Variants in ZNF808 observed in about 807,000 individuals in gnomAD.
The protein encoded by ZNF808 is zinc finger protein 808.
A neutral mutation model predicts 8.7 loss-of-function variants in ZNF808; 5 were observed. The ratio of observed to expected loss-of-function variants is 0.58; its 90% CI spans 0.30 to 1.21. The LOEUF (loss-of-function observed/expected upper bound fraction) is 1.21, where lower values mean the gene tolerates loss of function less well. Ranked by LOEUF, ZNF808 falls within the 50% of genes most tolerant of loss-of-function variation. The probability of loss-of-function intolerance (pLI) is 0.07; values close to 1 mark genes in which losing one functional copy is unlikely to be tolerated. For missense variants in ZNF808, 1,103 were observed against 1,098.4 expected, an observed-to-expected ratio of 1.00 and a Z score of -0.06; for synonymous variants, 380 against 366.0, an observed-to-expected ratio of 1.04 and a Z score of -0.44.
intron 4 of ZNF808, among the ~76,000 whole-genome samples, chr19:52,549,791 G>A (rs2059758043): frequency 6.6e-6 from 1 of 152,018 alleles, no homozygotes; most frequent in East Asian, 1.9e-4. Flanking sequence ...TTGTAATGCT[G>A]AACACCCCAA....
intron 2 of ZNF808, 142 bp from the exon 3 acceptor site, chr19:52,543,124 T>G (rs1012001693): frequency 1.2e-5 from 10 of 812,208 alleles, no homozygotes; most frequent in Non-Finnish European, 1.9e-5. Context: ...CTGTGGGACT[T>G]TCTTACCTCT....
chr19:52,528,452 A>C (rs2059530667), intron 1 of ZNF808, among the ~76,000 whole-genome samples: 1 of 152,228 alleles, frequency 6.6e-6, no homozygotes, highest in Non-Finnish European at 1.5e-5. Context: ...CAGATGGCAA[A>C]ATAGAGGATT....
intron 2 of ZNF808, chr19:52,535,992 C>T: frequency 6.2e-6 from 1 of 160,416 alleles, no homozygotes; most frequent in South Asian, 1.7e-4. Flanking sequence ...GGCTTCAGTC[C>T]TGGGCGCGCA....
rs146556570 is a variant in ZNF808 at position 52,541,011 on chromosome 19, G to A, written c.-19-2255G>A. On this transcript the variant is annotated intron_variant, in intron 2 of 4. Coordinates refer to ENST00000359798, the MANE Select transcript of ZNF808 (RefSeq NM_001039886.4). ...CTGTCACCCAGGCTGGAGTGCAGTGGCATGATCTCAGCTCACTGCAACCTC... is the reference window on the plus strand; with the variant it reads ...CTGTCACCCAGGCTGGAGTGCAGTGACATGATCTCAGCTCACTGCAACCTC... 6.1e-3 allele frequency among the ~76,000 whole-genome samples: 933 copies of A among 152,250 alleles called. 10 individuals are homozygous for A. The highest frequency in any genetic ancestry group is 0.017 in the Middle Eastern group (5 of 294).
chr19:52,552,308 C>T (rs531430442), intron 4 of ZNF808, among the ~76,000 whole-genome samples: 43 of 152,166 alleles, frequency 2.8e-4, no homozygotes, highest in African/African-American at 1.0e-3. Flanking sequence ...TGAGCCACCG[C>T]ACCCGGCCCA....
At chr19:52,535,303 C>CCTGGGTGA (rs2059595123) in intron 2 of ZNF808, among the ~76,000 whole-genome samples, 2 of 134,536 alleles carry the variant, frequency 1.5e-5, no homozygotes, top group Admixed American at 1.7e-4. Context: ...TGCACTCCAG[C>CCTGGGTGA]CTGGGTGACA....
At chr19:52,536,482 T>A (rs1318688602) in intron 2 of ZNF808, among the ~76,000 whole-genome samples, 1 of 152,188 alleles carries the variant, frequency 6.6e-6, no homozygotes, top group South Asian at 2.1e-4. Context: ...GCCACCCTTG[T>A]CTTAAGGCGC....
Position 52,564,242 on chromosome 19 carries a change from G to C in ZNF808, c.*1347G>C, listed in dbSNP as rs916324853. 3.4e-5 allele frequency: 31 copies of C among 919,182 alleles called. No homozygotes were observed. The African/African-American group carries it at 4.6e-4, about 14-fold the overall frequency. 56.9% of individuals were successfully genotyped at this position (919,182 alleles called of 1,614,324 possible). The stretch of plus-strand genomic sequence containing the variant: ...AAGCTGGGTCTATAAGGAATTGCAC[G>C]TGAGATGGCACACATATTTATGCTG... On this transcript the variant is annotated 3_prime_UTR_variant and NMD_transcript_variant, in exon 4 of 4. Transcript: ENST00000487863.
At chr19:52,567,340 C>T (rs79183000), downstream of ZNF808, among the ~76,000 whole-genome samples, 1 of 151,702 alleles carries the variant, frequency 6.6e-6, no homozygotes, top group Non-Finnish European at 1.5e-5. Flanking sequence ...TACCTAAGCA[C>T]CTATGTAAGA....
chr19:52,556,945 C>G (rs919893023), downstream of ZNF808, among the ~76,000 whole-genome samples: 2 of 152,000 alleles, frequency 1.3e-5, no homozygotes, highest in African/African-American at 2.4e-5. Flanking sequence ...GAATGCTCCT[C>G]CAAAAGCACC....
At chr19:52,564,445 TAA>T (rs1362481144) in exon 4 of ZNF808, 1 of 257,740 alleles carries the variant, frequency 3.9e-6, no homozygotes, top group East Asian at 8.4e-5. Flanking sequence ...TTTAATGACA[TAA>T]TAGATTACCT....
chr19:52,563,947 G>A (rs944847283), exon 4 of ZNF808: 7 of 319,952 alleles, frequency 2.2e-5, no homozygotes, highest in African/African-American at 1.6e-4. Context: ...GATGAGCCGG[G>A]ATCCTGCCGT....
intron 2 of ZNF808, among the ~76,000 whole-genome samples, chr19:52,540,922 G>C (rs558571015): frequency 6.6e-6 from 1 of 152,198 alleles, no homozygotes; most frequent in African/African-American, 2.4e-5. Context: ...GTTTGCTCAG[G>C]TATATAAGAT....
At chr19:52,540,512 T>C (rs2059660473) in intron 2 of ZNF808, among the ~76,000 whole-genome samples, 1 of 152,234 alleles carries the variant, frequency 6.6e-6, no homozygotes, top group Admixed American at 6.5e-5. Context: ...GTTGTTTCAG[T>C]GTGTACTTGA....
chr19:52,564,298 GA>G, exon 4 of ZNF808: 1 of 657,668 alleles, frequency 1.5e-6, no homozygotes, highest in Non-Finnish European at 2.7e-6. Flanking sequence ...TACTTAAGCT[GA>G]AAATGTCACT....
Position 52,553,182 on chromosome 19 carries a change from C to T in ZNF808, c.266C>T (p.Thr89Ile). The T allele has an allele frequency of 6.2e-7, 1 of 1,612,838 alleles. No homozygotes were observed. Among genetic ancestry groups the T allele is most frequent in the Non-Finnish European group, 8.5e-7 (1 of 1,179,564 alleles). The change falls in exon 5 of 5, where the codon ACA (threonine) becomes ATA (isoleucine). Residue 89 changes from threonine to isoleucine, a missense_variant. Physicochemically the swap from Thr to Ile is moderately conservative, Grantham distance 89 (BLOSUM62 -1). Coordinates refer to ENST00000359798, the MANE Select transcript of ZNF808 (RefSeq NM_001039886.4). Reference sequence around the variant, plus strand: ...AATAGAGAAGTGATCCACACAGGGACATTGCAAAGACATCAAAGTTATCAC... The same window carrying T: ...AATAGAGAAGTGATCCACACAGGGATATTGCAAAGACATCAAAGTTATCAC... ...QGNREVIHTG[T>I]LQRHQSYHIG...
At chr19:52,545,711 C>A (rs565208352) in intron 3 of ZNF808, among the ~76,000 whole-genome samples, 23 of 151,662 alleles carry the variant, frequency 1.5e-4, no homozygotes, top group Admixed American at 1.3e-3. Context: ...CTGGGTGGCA[C>A]AGGTTGCAGT....
Position 52,532,969 on chromosome 19 carries a change from G to C in ZNF808, c.-60G>C, listed in dbSNP as rs962188385. The C allele has an allele frequency of 1.3e-5, 2 of 155,380 alleles. No individual in the cohort carries two copies. Among genetic ancestry groups the C allele is most frequent in the Non-Finnish European group, 2.9e-5 (2 of 69,658 alleles). 9.6% of individuals were successfully genotyped at this position (155,380 alleles called of 1,614,324 possible). ...GGTCACTTGACCCAGGGAGTTGAAG[G>C]CTGCAGTGAGCCCTGTTTTTGCCAC... On this transcript the variant is annotated 5_prime_UTR_variant, in exon 2 of 5. Transcript: ENST00000359798.
At chr19:52,566,441 C>T (rs567991460), downstream of ZNF808, among the ~76,000 whole-genome samples, 48 of 152,204 alleles carry the variant, frequency 3.2e-4, no homozygotes, top group African/African-American at 1.1e-3. Flanking sequence ...GCTGAGATTA[C>T]AGGTATGCGC....
Sources: gnomAD v4.1 joint callset for allele counts (sites outside exome capture counted in the v4.1 genomes callset) on GRCh38, gnomAD v4.1.1 for gene constraint, MANE v1.5 for transcripts, NCBI Gene and HGNC (gene_info 2026-07-23, HGNC 2026-07-21) for gene names.